The following MRAS variants were observed in gnomAD, a reference collection of about 807,000 sequenced individuals.
MRAS encodes the protein muscle RAS oncogene homolog, also known as ras-related protein M-Ras.
MRAS carries 4 observed loss-of-function variants against 20.9 expected under a neutral mutation model. The ratio of observed to expected loss-of-function variants is 0.19; its 90% CI spans 0.09 to 0.44. MRAS has a LOEUF of 0.44. Among genes scored for constraint, MRAS ranks in the 20% least tolerant of loss-of-function variants. The pLI is 0.99. For synonymous variants in MRAS, 98 were observed against 102.9 expected (o/e 0.95, Z 0.29); for missense variants, 154 against 277.5 (o/e 0.56, Z 3.16).
intron 1 of MRAS, among the ~76,000 whole-genome samples, chr3:138,367,796 C>G (rs1013066280): frequency 3.3e-5 from 5 of 152,332 alleles, no homozygotes; most frequent in Admixed American, 6.5e-5. Context: ...CAAGGTAAAT[C>G]TGGCATTCAG....
intron 2 of MRAS, among the ~76,000 whole-genome samples, chr3:138,375,834 C>T (rs1264114809): frequency 1.3e-5 from 2 of 152,044 alleles, no homozygotes; most frequent in Non-Finnish European, 2.9e-5. Flanking sequence ...CTTGCCTGGG[C>T]AACGTGGTGA....
intron 2 of MRAS, among the ~76,000 whole-genome samples, chr3:138,383,865 T>C (rs955523424): frequency 3.9e-5 from 6 of 152,162 alleles, no homozygotes; most frequent in African/African-American, 1.4e-4. Context: ...GTGATGAAGG[T>C]CAGACAAGGT....
Position 138,402,545 on chromosome 3 carries a change from TC to T in MRAS, c.*281del, listed in dbSNP as rs1015894613. ...CCATGTGTTGATTCAACCCGGTTCCTCCCCCTCTCTCGGTGGGTGTGTTGTT... is the reference window on the plus strand; with the variant it reads ...CCATGTGTTGATTCAACCCGGTTCCTCCCCTCTCTCGGTGGGTGTGTTGTT... On this transcript the variant is annotated 3_prime_UTR_variant, in exon 6 of 6. Coordinates refer to ENST00000423968, the MANE Select transcript of MRAS (RefSeq NM_001085049.3). 8.0e-6 allele frequency: 3 copies of T among 376,736 alleles called. No individual in the cohort carries two copies. The highest frequency in any genetic ancestry group is 6.4e-5 in the African/African-American group (3 of 47,214). 23.3% of individuals were successfully genotyped at this position (376,736 alleles called of 1,614,324 possible).
At chr3:138,392,172 A>G (rs937015088) in intron 2 of MRAS, among the ~76,000 whole-genome samples, 1 of 152,188 alleles carries the variant, frequency 6.6e-6, no homozygotes, top group South Asian at 2.1e-4. Flanking sequence ...CTTGTTCACT[A>G]TTGGAATGTA....
intron 3 of MRAS, among the ~76,000 whole-genome samples, chr3:138,398,103 C>T (rs990010196): frequency 3.3e-5 from 5 of 152,196 alleles, no homozygotes; most frequent in Non-Finnish European, 4.4e-5. Context: ...GTGGCCATGC[C>T]TCTTGATGCC....
chr3:138,377,787 C>T (rs2054816118), intron 2 of MRAS, among the ~76,000 whole-genome samples: 1 of 152,192 alleles, frequency 6.6e-6, no homozygotes, highest in Admixed American at 6.5e-5. Context: ...AACGTGGCAG[C>T]ACGATGATGA....
At position 138,396,344 on chromosome 3, in the gene MRAS, C is replaced by T. The variant is rs75420508; in HGVS notation, c.194-980C>T. Among the ~76,000 whole-genome samples, 563 of 152,308 alleles carry T rather than the reference C, an allele frequency of 3.7e-3. 17 individuals carry two copies. The East Asian group carries it at 0.081, about 22-fold the overall frequency. On this transcript the variant is annotated intron_variant, in intron 2 of 5. Transcript: ENST00000423968. ...CACCCAGGCATGAGAAGCCAGACTC[C>T]GCCCAGTGGGCTGGCTCCAAAATCT...
At chr3:138,383,359 C>G (rs369197597) in intron 2 of MRAS, among the ~76,000 whole-genome samples, 2 of 152,142 alleles carry the variant, frequency 1.3e-5, no homozygotes, top group East Asian at 3.8e-4. Flanking sequence ...GACACAGGGT[C>G]TCACCGTGCC....
intron 2 of MRAS, among the ~76,000 whole-genome samples, chr3:138,380,012 A>G (rs890668948): frequency 5.3e-5 from 8 of 152,112 alleles, no homozygotes; most frequent in South Asian, 2.1e-4. Context: ...CTTTTTGATA[A>G]TAGCCATTGT....
intron 2 of MRAS, among the ~76,000 whole-genome samples, chr3:138,395,564 C>G (rs2055219320): frequency 6.6e-6 from 1 of 152,180 alleles, no homozygotes; most frequent in South Asian, 2.1e-4. Flanking sequence ...GTGGCTCCCT[C>G]CGGCCCCTCA....
intron 2 of MRAS, among the ~76,000 whole-genome samples, chr3:138,395,091 A>T (rs193112199): frequency 6.6e-6 from 1 of 151,212 alleles, no homozygotes; most frequent in Admixed American, 6.6e-5. Flanking sequence ...CCCAGGCTGG[A>T]GTGCAGTGGC....
intron 1 of MRAS, among the ~76,000 whole-genome samples, chr3:138,370,578 C>G (rs547848727): frequency 6.6e-6 from 1 of 152,190 alleles, no homozygotes; most frequent in Admixed American, 6.5e-5. Context: ...AGCCTCAGCC[C>G]GTCCCGTGTT....
rs1452372271 is a variant in MRAS, at chr3:138,404,809, C to T, written c.*2540C>T. 2.6e-5 allele frequency: 4 copies of T among 152,198 alleles called. No individual in the cohort carries two copies. The highest frequency in any genetic ancestry group is 5.9e-5 in the Non-Finnish European group (4 of 68,034). The allele number at this position is 152,198 out of a possible 1,614,324, so 9.4% of individuals were successfully genotyped here. A position where few individuals can be genotyped will look rare whatever the true frequency, so the allele number is the denominator to read the frequency against. On this transcript the variant is annotated 3_prime_UTR_variant, in exon 6 of 6. Coordinates refer to ENST00000423968, the MANE Select transcript of MRAS (RefSeq NM_001085049.3). ...TCCATTATCATCTAGCAGGGTCAGA[C>T]TGGGAAACCTGGTTGGCCACGCCAC... is the stretch of plus-strand genomic sequence containing the variant.
At chr3:138,397,302 G>A (rs1184835232) in intron 2 of MRAS, 22 bp from the exon 3 acceptor site, 2 of 1,612,942 alleles carry the variant, frequency 1.2e-6, no homozygotes, top group Admixed American at 1.7e-5. Context: ...GACAGCCCCT[G>A]AGTGGCCTCA....
chr3:138,383,279 A>T (rs996561974), intron 2 of MRAS, among the ~76,000 whole-genome samples: 6 of 152,178 alleles, frequency 3.9e-5, no homozygotes, highest in African/African-American at 7.2e-5. Flanking sequence ...AGCAGACCTC[A>T]GTAGATGCTA....
intron 2 of MRAS, among the ~76,000 whole-genome samples, chr3:138,378,684 G>A (rs368572263): frequency 1.3e-5 from 2 of 152,222 alleles, no homozygotes; most frequent in African/African-American, 2.4e-5. Context: ...CCAAACCTTC[G>A]GCAGAGCCAT....
Position 138,405,517 on chromosome 3 carries a change from TAAA to T in MRAS, c.*3249_*3251del, listed in dbSNP as rs1331921115. ...GTCTTTGTATCTCTCGACTGATTAA[TAAA>T]GAAGAGAAACACGTATCTGTCTTAG... On this transcript the variant is annotated 3_prime_UTR_variant, in exon 6 of 6. Transcript: ENST00000423968. 1 of 152,566 alleles carries T rather than the reference TAAA, an allele frequency of 6.6e-6. No homozygotes were observed. Among genetic ancestry groups the T allele is most frequent in the East Asian group, 1.9e-4 (1 of 5,200 alleles). The allele number at this position is 152,566 out of a possible 1,614,324, so 9.5% of individuals were successfully genotyped here.
intron 2 of MRAS, among the ~76,000 whole-genome samples, chr3:138,384,482 T>C (rs2054969657): frequency 6.6e-6 from 1 of 152,210 alleles, no homozygotes; most frequent in Admixed American, 6.5e-5. Flanking sequence ...GAAGAGTCTT[T>C]GGCCTGAAGA....
intron 2 of MRAS, among the ~76,000 whole-genome samples, chr3:138,388,440 T>A (rs2055062150): frequency 6.6e-6 from 1 of 152,242 alleles, no homozygotes; most frequent in Non-Finnish European, 1.5e-5. Flanking sequence ...GGCTCACGCC[T>A]GTAATCCTTG....
Sources: allele counts gnomAD v4.1 joint callset (sites outside exome capture counted in the v4.1 genomes callset), GRCh38; gene constraint gnomAD v4.1.1; transcripts MANE v1.5; gene names NCBI Gene and HGNC (gene_info 2026-07-23, HGNC 2026-07-21).